Variants in NRXN3 observed in about 807,000 individuals in gnomAD.
The protein encoded by NRXN3 is neurexin III.
In NRXN3, 32 loss-of-function variants were observed where a neutral mutation model predicts 137.6. The ratio of observed to expected loss-of-function variants is 0.23; its 90% confidence interval spans 0.18 to 0.31. NRXN3 has a LOEUF of 0.31. NRXN3 is among the 10% of genes least tolerant of loss of function. The probability of loss-of-function intolerance (pLI) is 1.00; values close to 1 mark genes in which losing one functional copy is unlikely to be tolerated. For synonymous variants in NRXN3, 798 were observed against 784.5 expected (o/e 1.02, Z -0.29); for missense variants, 1,574 against 2,062.5 (o/e 0.76, Z 4.59).
chr14:79,763,834 G>T (rs2099047175), intron 19 of NRXN3, among the ~76,000 whole-genome samples: 2 of 151,502 alleles, frequency 1.3e-5, no homozygotes, highest in Admixed American at 1.3e-4. Flanking sequence ...CTGGTGATTA[G>T]CTTTCAATAT....
chr14:78,199,245 A>G (rs955382619), intron 1 of NRXN3, among the ~76,000 whole-genome samples: 3 of 152,114 alleles, frequency 2.0e-5, no homozygotes, highest in African/African-American at 7.2e-5. Context: ...GGCACCCAGG[A>G]TGTTCACTAA....
intron 4 of NRXN3, among the ~76,000 whole-genome samples, chr14:78,513,589 A>T (rs952679353): frequency 1.3e-4 from 20 of 152,202 alleles, no homozygotes; most frequent in African/African-American, 4.8e-4. Flanking sequence ...TAAAAAATAA[A>T]TACATGAGGA....
chr14:79,489,883 C>CA lies in NRXN3; in HGVS notation c.3444+22487dup, dbSNP rs1283854100. Among the ~76,000 whole-genome samples, 11 of 151,342 alleles carry CA rather than the reference C, an allele frequency of 7.3e-5. No homozygotes were observed. In the South Asian group the frequency reaches 1.7e-3, roughly 23 times the overall value. ...TGAAACTCCACCTCTACTAAAAATA[C>CA]AAAAAATTAGCCGGGCATGGTGGCA... On this transcript the variant is annotated intron_variant, in intron 16 of 20. Coordinates refer to ENST00000335750, the MANE Select transcript of NRXN3 (RefSeq NM_001330195.2).
intron 4 of NRXN3, among the ~76,000 whole-genome samples, chr14:78,420,182 T>C (rs1403363390): frequency 6.6e-6 from 1 of 152,196 alleles, no homozygotes; most frequent in Non-Finnish European, 1.5e-5. Context: ...AACAATGTTT[T>C]GGTAGATTAG....
At chr14:78,233,553 G>A (rs1013003037) in intron 1 of NRXN3, among the ~76,000 whole-genome samples, 1 of 152,056 alleles carries the variant, frequency 6.6e-6, no homozygotes, top group African/African-American at 2.4e-5. Context: ...CAGGGAGCCT[G>A]CTTCATTTGG....
intron 1 of NRXN3, among the ~76,000 whole-genome samples, chr14:78,225,479 C>T (rs1418936676): frequency 6.7e-6 from 1 of 148,528 alleles, no homozygotes; most frequent in Admixed American, 6.6e-5. Flanking sequence ...TGTTTGAGTA[C>T]ATTGTAGATT....
chr14:79,492,187 T>C (rs2096723650), intron 16 of NRXN3, among the ~76,000 whole-genome samples: 3 of 152,198 alleles, frequency 2.0e-5, no homozygotes, highest in Admixed American at 2.0e-4. Context: ...AAAAAATTAA[T>C]TAAAATTGAA....
chr14:79,707,517 A>G (rs1360903558), intron 19 of NRXN3, among the ~76,000 whole-genome samples: 1 of 152,124 alleles, frequency 6.6e-6, no homozygotes, highest in Non-Finnish European at 1.5e-5. Flanking sequence ...TATCTGAAAT[A>G]TGGGGATGAT....
At chr14:78,734,289 A>T (rs908896256) in intron 8 of NRXN3, among the ~76,000 whole-genome samples, 2 of 151,200 alleles carry the variant, frequency 1.3e-5, no homozygotes, top group African/African-American at 4.9e-5. Context: ...ATTTCCCATT[A>T]CTTGAGAGAT....
intron 16 of NRXN3, among the ~76,000 whole-genome samples, chr14:79,524,838 A>C (rs1020771046): frequency 1.3e-5 from 2 of 152,214 alleles, no homozygotes; most frequent in Non-Finnish European, 2.9e-5. Flanking sequence ...CCAAGTGTGG[A>C]CATCTGTGTA....
At chr14:78,806,182 T>C (rs2098867510) in intron 9 of NRXN3, among the ~76,000 whole-genome samples, 1 of 146,460 alleles carries the variant, frequency 6.8e-6, no homozygotes, top group Admixed American at 6.8e-5. Flanking sequence ...CCATAGTTAA[T>C]TTTTTTTACA....
intron 8 of NRXN3, among the ~76,000 whole-genome samples, chr14:78,758,402 C>G (rs183081891): frequency 6.4e-4 from 97 of 152,322 alleles, no homozygotes; most frequent in Non-Finnish European, 1.2e-3. Context: ...AGTGGTACTT[C>G]TAGGTACTTC....
At chr14:79,089,331 A>C (rs1167745574) in intron 15 of NRXN3, among the ~76,000 whole-genome samples, 1 of 152,152 alleles carries the variant, frequency 6.6e-6, no homozygotes, top group Admixed American at 6.6e-5. Context: ...GTTGATAGCA[A>C]ACAAGGAAGG....
rs138226809 is a variant in NRXN3, at chr14:79,539,351, C to A, written c.3444+71949C>A. ...ACAGATTTTAAACCTAGCATTCTTG[C>A]TCCAGAATTCATGCTGTTAATCACT... On this transcript the variant is annotated intron_variant, in intron 16 of 20. Coordinates refer to ENST00000335750, the MANE Select transcript of NRXN3 (RefSeq NM_001330195.2). Among the ~76,000 whole-genome samples the A allele has an allele frequency of 1.8e-3, 279 of 152,242 alleles. 1 individual carries two copies. The highest frequency in any genetic ancestry group is 6.0e-3 in the African/African-American group (251 of 41,568).
rs533800642 is a variant in NRXN3, at chr14:79,428,421, C to T, written c.3263-38800C>T. On this transcript the variant is annotated intron_variant, in intron 15 of 20. Transcript: ENST00000335750. ...CCTAGTACCTTCACTTGGTCAAATA[C>T]CTCTTTTGGTGGAAACAACACAAAT... Among the ~76,000 whole-genome samples the T allele has an allele frequency of 4.1e-4, 62 of 152,026 alleles. No homozygotes were observed. The Middle Eastern group carries it at 0.014, about 33-fold the overall frequency.
At chr14:79,528,739 G>A (rs552542727) in intron 16 of NRXN3, among the ~76,000 whole-genome samples, 1 of 152,112 alleles carries the variant, frequency 6.6e-6, no homozygotes, top group African/African-American at 2.4e-5. Context: ...ATTACAGATA[G>A]CATTTCCTAA....
rs1241592889 is a variant in NRXN3, at chr14:78,486,007, AAAT to A, written c.758-159107_758-159105del. On this transcript the variant is annotated intron_variant, in intron 4 of 20. Coordinates refer to ENST00000335750, the MANE Select transcript of NRXN3 (RefSeq NM_001330195.2). ...TGACTATATTTGCAGAGTGATTTGG[AAAT>A]AATAACAAAAGATTGAATTTGTAAT... Among the ~76,000 whole-genome samples, 6 of 152,292 alleles carry A rather than the reference AAAT, an allele frequency of 3.9e-5. No homozygotes were observed. The South Asian group carries it at 8.3e-4, about 21-fold the overall frequency.
Position 78,497,169 on chromosome 14 carries a change from A to G in NRXN3, c.758-147951A>G, listed in dbSNP as rs138819329. Among the ~76,000 whole-genome samples the G allele has an allele frequency of 7.2e-5, 11 of 152,268 alleles. No individual in the cohort carries two copies. The East Asian group carries it at 1.2e-3, about 16-fold the overall frequency. Reference sequence around the variant, plus strand: ...CCAAGCTTCCTGATTGCACATTTTCATGGAAAAATGCAAGGGTATGTGGTG... The same window carrying G: ...CCAAGCTTCCTGATTGCACATTTTCGTGGAAAAATGCAAGGGTATGTGGTG... On this transcript the variant is annotated intron_variant, in intron 4 of 20. Coordinates refer to ENST00000335750, the MANE Select transcript of NRXN3 (RefSeq NM_001330195.2).
intron 1 of NRXN3, among the ~76,000 whole-genome samples, chr14:78,183,881 G>A (rs2060016501): frequency 6.6e-6 from 1 of 152,196 alleles, no homozygotes; most frequent in Non-Finnish European, 1.5e-5. Flanking sequence ...GGAAGGTGGG[G>A]AAGCTTTCTC....
Sources: gnomAD v4.1 joint callset for allele counts (sites outside exome capture counted in the v4.1 genomes callset) on GRCh38, gnomAD v4.1.1 for gene constraint, MANE v1.5 for transcripts, NCBI Gene and HGNC (gene_info 2026-07-23, HGNC 2026-07-21) for gene names.